PARM1: variants seen among roughly 807,000 people sequenced by gnomAD.
The protein encoded by PARM1 is prostate androgen-regulated mucin-like protein 1.
In PARM1, 14 loss-of-function variants were observed where a neutral mutation model predicts 24.6. The observed-to-expected ratio is 0.57, with a 90% confidence interval of 0.38 to 0.89. The LOEUF is 0.89. Among genes scored for constraint, PARM1 ranks in the 40% least tolerant of loss-of-function variants. PARM1 has a pLI of 0.00. For synonymous variants in PARM1, 179 were observed against 156.6 expected (o/e 1.14, Z -1.07); for missense variants, 362 against 380.4 (o/e 0.95, Z 0.40).
At chr4:74,990,888 T>G (rs1285745294) in intron 1 of PARM1, among the ~76,000 whole-genome samples, 1 of 152,124 alleles carries the variant, frequency 6.6e-6, no homozygotes, top group Non-Finnish European at 1.5e-5. Context: ...GGATGACATT[T>G]CAAAGGTGTA....
At chr4:75,020,749 C>T (rs60403702) in intron 2 of PARM1, among the ~76,000 whole-genome samples, 5,004 of 152,264 alleles carry the variant, frequency 0.033, 288 homozygotes, top group African/African-American at 0.11. Flanking sequence ...GTTCCATGAG[C>T]GCCTGTGTCT....
In PARM1 at chr4:75,048,668, AT is replaced by A. The variant is rs3214518; in HGVS notation, c.*2431del. 8.6e-5 allele frequency: 13 copies of A among 150,588 alleles called. No homozygotes were observed. The highest frequency in any genetic ancestry group is 4.3e-4 in the South Asian group (2 of 4,700). 9.3% of individuals were successfully genotyped at this position (150,588 alleles called of 1,614,324 possible). A position where few individuals can be genotyped will look rare whatever the true frequency, so the allele number is the denominator to read the frequency against. ...CTATAAACCGTGAACTCAAGCAGGC[AT>A]TTTTTTTTTCTTACCGAAAGGCTGC... On this transcript the variant is annotated 3_prime_UTR_variant, in exon 4 of 4. Transcript: ENST00000307428.
chr4:74,970,488 G>T (rs1722008202), intron 1 of PARM1: 1 of 152,262 alleles, frequency 6.6e-6, no homozygotes, highest in Non-Finnish European at 1.5e-5. Flanking sequence ...TGCTCTAGCT[G>T]TGTGGCAGAG....
intron 2 of PARM1, among the ~76,000 whole-genome samples, chr4:75,018,712 C>G (rs1723032590): frequency 6.6e-6 from 1 of 152,234 alleles, no homozygotes. Context: ...GCGACTGACA[C>G]AGGTAGCCCT....
intron 1 of PARM1, among the ~76,000 whole-genome samples, chr4:74,934,165 A>G (rs1721127393): frequency 6.6e-6 from 1 of 152,076 alleles, no homozygotes; most frequent in African/African-American, 2.4e-5. Context: ...CAGATGACTG[A>G]GCTCGGCTTG....
At chr4:75,017,802 A>ACATGAATAAAAGAGC (rs1723015512) in intron 2 of PARM1, among the ~76,000 whole-genome samples, 2 of 152,240 alleles carry the variant, frequency 1.3e-5, no homozygotes, top group African/African-American at 4.8e-5. Context: ...TTTGTTGAAT[A>ACATGAATAAAAGAGC]CATGAATAAA....
rs75882319 is a variant in PARM1, at chr4:74,979,514, C to A, written c.44-32911C>A. 8.2e-3 allele frequency among the ~76,000 whole-genome samples: 1,249 copies of A among 152,218 alleles called. 17 individuals are homozygous for A. Among genetic ancestry groups the A allele is most frequent in the African/African-American group, 0.029 (1,210 of 41,536 alleles). On this transcript the variant is annotated intron_variant, in intron 1 of 3. Transcript: ENST00000307428. ...AGCTCATGATCAGACAGATTCATGG[C>A]TAAATTGTACCAGAGGTACAAAGAA...
intron 1 of PARM1, among the ~76,000 whole-genome samples, chr4:75,002,103 G>A (rs1027755751): frequency 3.3e-5 from 5 of 152,228 alleles, no homozygotes; most frequent in African/African-American, 1.2e-4. Flanking sequence ...GCTCTCTGGG[G>A]AACAAGGAGT....
Position 75,007,726 on chromosome 4 carries a change from G to T in PARM1, c.44-4699G>T, listed in dbSNP as rs555146785. Among the ~76,000 whole-genome samples the T allele has an allele frequency of 2.0e-5, 3 of 152,308 alleles. No individual in the cohort carries two copies. In the South Asian group the frequency reaches 6.2e-4, roughly 32 times the overall value. On this transcript the variant is annotated intron_variant, in intron 1 of 3. Transcript: ENST00000307428. ...AGCCCCCAGTGTGATGGTATTTGAG[G>T]ATGGGGCCTCTAGGTGGTAATTAAA...
rs1365048053 is a variant in PARM1 at position 75,042,780 on chromosome 4, C to T, written c.849-3383C>T. 2.0e-5 allele frequency among the ~76,000 whole-genome samples: 3 copies of T among 152,010 alleles called. No homozygotes were observed. The East Asian group carries it at 5.8e-4, about 29-fold the overall frequency. On this transcript the variant is annotated intron_variant, in intron 3 of 3. Coordinates refer to ENST00000307428, the MANE Select transcript of PARM1 (RefSeq NM_015393.4). ...TACAATAGTATCCAATTTGTCCAAA[C>T]CTGGCTGGAATCCCAGTACACCCAA...
chr4:75,045,084 G>A (rs754066515), intron 3 of PARM1, among the ~76,000 whole-genome samples: 3 of 152,208 alleles, frequency 2.0e-5, no homozygotes, highest in Non-Finnish European at 2.9e-5. Context: ...AGGCCTCACT[G>A]AGAAGGTGAC....
chr4:75,035,032 C>T lies in PARM1; in HGVS notation c.848+1071C>T, dbSNP rs181480289. On this transcript the variant is annotated intron_variant, in intron 3 of 3. Transcript: ENST00000307428. The stretch of plus-strand genomic sequence containing the variant: ...CAATTCTTAGGACACACCAGGTTCT[C>T]TGTCCTTCCTTCCCCAGACCCTGCA... 7.4e-4 allele frequency among the ~76,000 whole-genome samples: 113 copies of T among 152,300 alleles called. No individual in the cohort carries two copies. The East Asian group carries it at 0.019, about 26-fold the overall frequency.
intron 2 of PARM1, among the ~76,000 whole-genome samples, chr4:75,018,515 C>A (rs886118803): frequency 6.6e-6 from 1 of 152,140 alleles, no homozygotes; most frequent in African/African-American, 2.4e-5. Context: ...ATAGTAGGCA[C>A]GTCACTTAGC....
chr4:74,934,166 G>C (rs775767493), intron 1 of PARM1, among the ~76,000 whole-genome samples: 1 of 152,132 alleles, frequency 6.6e-6, no homozygotes, highest in Non-Finnish European at 1.5e-5. Context: ...AGATGACTGA[G>C]CTCGGCTTGG....
intron 1 of PARM1, among the ~76,000 whole-genome samples, chr4:74,988,617 G>A (rs948944869): frequency 6.6e-6 from 1 of 152,146 alleles, no homozygotes; most frequent in African/African-American, 2.4e-5. Flanking sequence ...AGCACAAAAT[G>A]TTATAAAAGT....
intron 1 of PARM1, among the ~76,000 whole-genome samples, chr4:74,989,481 T>G (rs1722421062): frequency 6.6e-6 from 1 of 152,176 alleles, no homozygotes; most frequent in Admixed American, 6.5e-5. Context: ...GCAAGGTATG[T>G]AGGAAGGGAT....
chr4:75,011,845 T>C (rs144930791), intron 1 of PARM1, among the ~76,000 whole-genome samples: 251 of 152,276 alleles, frequency 1.6e-3, no homozygotes, highest in African/African-American at 4.8e-3. Flanking sequence ...CACATATTTA[T>C]TCATCCCAGC....
chr4:74,967,818 T>C (rs1280188070), intron 1 of PARM1: 1 of 152,190 alleles, frequency 6.6e-6, no homozygotes, highest in African/African-American at 2.4e-5. Flanking sequence ...GGTTAAAATA[T>C]TTGGCAAAAT....
intron 3 of PARM1, among the ~76,000 whole-genome samples, chr4:75,042,468 G>A (rs1723509209): frequency 6.6e-6 from 1 of 152,112 alleles, no homozygotes. Context: ...AAGAGACCTT[G>A]GTTTCATTAG....
Sources: gnomAD v4.1 joint callset for allele counts (sites outside exome capture counted in the v4.1 genomes callset) on GRCh38, gnomAD v4.1.1 for gene constraint, MANE v1.5 for transcripts, NCBI Gene and HGNC (gene_info 2026-07-23, HGNC 2026-07-21) for gene names.